The following DMD variants were observed in gnomAD, a reference collection of about 807,000 sequenced individuals.
The protein encoded by DMD is dystrophin.
DMD carries 63 observed loss-of-function variants against 330.1 expected under a neutral mutation model. That is an observed-to-expected ratio of 0.19 (90% CI 0.16 to 0.24). The LOEUF (loss-of-function observed/expected upper bound fraction) is 0.24, where lower values mean the gene tolerates loss of function less well. Ranked by LOEUF, DMD falls within the 10% of genes least tolerant of loss-of-function variation. DMD has a pLI of 1.00. For missense variants in DMD, 3,344 were observed against 2,684.1 expected (o/e 1.25, Z -5.43); for synonymous variants, 1,223 against 959.8 (o/e 1.27, Z -5.07).
Position 32,394,251 on chromosome X carries a change from AAAGT to A in DMD, c.4234-4074_4234-4071del, listed in dbSNP as rs777241164. Among the ~76,000 whole-genome samples the A allele has an allele frequency of 6.2e-5, 7 of 112,266 alleles. No individual in the cohort carries two copies. The South Asian group carries it at 2.6e-3, about 41-fold the overall frequency. On this transcript the variant is annotated intron_variant, in intron 30 of 78. Transcript: ENST00000357033. ...AGAGGTGGCTCTTTTTCAGAAAACA[AAAGT>A]AAGATGTGAAGACGCAAGAAGTTGA...
chrX:31,349,029 TTAAGTC>T (rs2058249537), intron 60 of DMD, among the ~76,000 whole-genome samples: 1 of 112,551 alleles, frequency 8.9e-6, no homozygotes, highest in Non-Finnish European at 1.9e-5. Context: ...TGTCTTGTCT[TTAAGTC>T]TTAGGCTATT....
chrX:32,582,241 C>T (rs778702405), intron 13 of DMD, among the ~76,000 whole-genome samples: 1 of 110,571 alleles, frequency 9.0e-6, no homozygotes, highest in East Asian at 2.9e-4. Flanking sequence ...CAAAAACAAC[C>T]TATATATGTA....
intron 1 of DMD, among the ~76,000 whole-genome samples, chrX:33,239,933 A>C (rs967212133): frequency 4.5e-5 from 5 of 111,508 alleles, no homozygotes; most frequent in African/African-American, 1.6e-4. Context: ...AACTGCTAAA[A>C]ATACTGTATA....
intron 48 of DMD, among the ~76,000 whole-genome samples, chrX:31,840,689 CT>C (rs2093301925): frequency 1.8e-5 from 2 of 109,123 alleles, no homozygotes; most frequent in Admixed American, 2.0e-4. Context: ...ATATTTCAAG[CT>C]TTTTCAATAT....
intron 7 of DMD, among the ~76,000 whole-genome samples, chrX:32,737,149 A>G (rs115669409): frequency 0.085 from 9,285 of 109,731 alleles, 998 homozygotes; most frequent in African/African-American, 0.29. Context: ...AAGGGGGGGG[A>G]CATAAAATCT....
At chrX:31,763,981 T>C (rs1160230503) in intron 51 of DMD, among the ~76,000 whole-genome samples, 2 of 111,200 alleles carry the variant, frequency 1.8e-5, no homozygotes, top group Non-Finnish European at 3.8e-5. Context: ...GCCCAAGAGA[T>C]CATGTCACCT....
intron 60 of DMD, among the ~76,000 whole-genome samples, chrX:31,414,188 T>G (rs2061765335): frequency 9.1e-6 from 1 of 110,136 alleles, no homozygotes; most frequent in South Asian, 3.9e-4. Flanking sequence ...TAGTTTTTTT[T>G]GTATTCAGTA....
intron 1 of DMD, among the ~76,000 whole-genome samples, chrX:33,079,537 T>C (rs938264043): frequency 8.9e-6 from 1 of 111,768 alleles, no homozygotes; most frequent in Non-Finnish European, 1.9e-5. Flanking sequence ...AATCATATAT[T>C]TACACAAATA....
At chrX:31,178,462 A>C in intron 70 of DMD, 1 of 957,727 alleles carries the variant, frequency 1.0e-6, no homozygotes, top group Non-Finnish European at 1.3e-6. Flanking sequence ...CTGTGAGATA[A>C]AGTTTAACTT....
chrX:31,286,434 G>A (rs767915389), intron 62 of DMD, among the ~76,000 whole-genome samples: 3 of 112,214 alleles, frequency 2.7e-5, no homozygotes, highest in African/African-American at 9.7e-5. Context: ...TAAGACGATA[G>A]GTTAAAAATA....
At chrX:31,302,421 T>C (rs1162209128) in intron 62 of DMD, among the ~76,000 whole-genome samples, 2 of 111,824 alleles carry the variant, frequency 1.8e-5, no homozygotes, top group African/African-American at 6.5e-5. Context: ...GAAGACAATA[T>C]GCAAGATTAG....
intron 43 of DMD, among the ~76,000 whole-genome samples, chrX:32,286,565 T>A (rs1039684058): frequency 5.4e-5 from 6 of 111,908 alleles, no homozygotes; most frequent in African/African-American, 1.9e-4. Flanking sequence ...AGTCAGGGTT[T>A]CATTCTCAAG....
intron 18 of DMD, among the ~76,000 whole-genome samples, chrX:32,502,830 G>A (rs1229111767): frequency 1.8e-5 from 2 of 110,334 alleles, no homozygotes; most frequent in Non-Finnish European, 3.8e-5. Flanking sequence ...CAGATGGGAG[G>A]GCAAATAACA....
chrX:31,964,461 A>G (rs1191943069), intron 45 of DMD, among the ~76,000 whole-genome samples: 1 of 111,891 alleles, frequency 8.9e-6, no homozygotes, highest in Non-Finnish European at 1.9e-5. Flanking sequence ...ATGCAGTATT[A>G]TATTTAATTT....
intron 44 of DMD, among the ~76,000 whole-genome samples, chrX:32,126,554 G>A (rs1046166996): frequency 2.7e-5 from 3 of 109,410 alleles, no homozygotes; most frequent in African/African-American, 1.1e-4. Flanking sequence ...TTAACCAGAT[G>A]TTTATACCCT....
At chrX:32,821,199 C>T (rs932034988) in intron 5 of DMD, among the ~76,000 whole-genome samples, 6 of 111,347 alleles carry the variant, frequency 5.4e-5, no homozygotes, top group Non-Finnish European at 1.1e-4. Flanking sequence ...TATATGGGGG[C>T]CAATTAGGAG....
intron 21 of DMD, among the ~76,000 whole-genome samples, chrX:32,478,609 A>C (rs927191315): frequency 8.9e-6 from 1 of 112,061 alleles, no homozygotes; most frequent in African/African-American, 3.2e-5. Flanking sequence ...TCTAATGTCA[A>C]TATATAAGTT....
chrX:32,748,998 C>T (rs951965506), intron 7 of DMD, among the ~76,000 whole-genome samples: 2 of 112,088 alleles, frequency 1.8e-5, no homozygotes, highest in African/African-American at 6.5e-5. Flanking sequence ...TGGGGACCTA[C>T]GTGGCAAGTG....
intron 44 of DMD, among the ~76,000 whole-genome samples, chrX:32,049,019 C>T (rs755601699): frequency 3.6e-5 from 4 of 110,809 alleles, no homozygotes; most frequent in South Asian, 3.8e-4. Context: ...TACTTGAGAA[C>T]GAGAAGAAAC....
Sources: allele counts gnomAD v4.1 joint callset (sites outside exome capture counted in the v4.1 genomes callset), GRCh38; gene constraint gnomAD v4.1.1; transcripts MANE v1.5; gene names NCBI Gene and HGNC (gene_info 2026-07-23, HGNC 2026-07-21).